Variants in SGCZ observed in about 807,000 individuals in gnomAD.
The protein encoded by SGCZ is zeta-sarcoglycan.
Under a neutral mutation model 41.3 loss-of-function variants are expected in SGCZ, and 40 were observed. That is an observed-to-expected ratio of 0.97 (90% CI 0.75 to 1.26). The LOEUF is 1.26. Among genes scored for constraint, SGCZ ranks in the 50% most tolerant of loss-of-function variants. The pLI is 0.00. For missense variants in SGCZ, 552 were observed against 369.8 expected (o/e 1.49, Z -4.04); for synonymous variants, 206 against 137.5 (o/e 1.50, Z -3.49).
chr8:14,584,817 T>C (rs952024607), intron 1 of SGCZ, among the ~76,000 whole-genome samples: 1 of 152,076 alleles, frequency 6.6e-6, no homozygotes, highest in African/African-American at 2.4e-5. Context: ...GCACATACAG[T>C]ATTCACTGTA....
chr8:14,181,076 T>TA (rs1408995811), intron 4 of SGCZ, among the ~76,000 whole-genome samples: 1 of 152,166 alleles, frequency 6.6e-6, no homozygotes, highest in Non-Finnish European at 1.5e-5. Context: ...GGAAGCCATG[T>TA]GTGATAGTCT....
intron 1 of SGCZ, among the ~76,000 whole-genome samples, chr8:15,163,356 G>C (rs1157582654): frequency 6.6e-6 from 1 of 152,194 alleles, no homozygotes; most frequent in African/African-American, 2.4e-5. Context: ...GGAGATCCAA[G>C]GTTCAGCCTT....
intron 1 of SGCZ, among the ~76,000 whole-genome samples, chr8:14,706,218 T>A (rs1293055305): frequency 6.6e-6 from 1 of 151,956 alleles, no homozygotes; most frequent in East Asian, 1.9e-4. Flanking sequence ...TAAAAAAAAT[T>A]AGATGAATCC....
At chr8:15,095,247 T>C (rs565547945) in intron 1 of SGCZ, among the ~76,000 whole-genome samples, 12 of 152,080 alleles carry the variant, frequency 7.9e-5, no homozygotes, top group Non-Finnish European at 1.8e-4. Flanking sequence ...TACAGTCATG[T>C]GCCATCACCC....
intron 1 of SGCZ, among the ~76,000 whole-genome samples, chr8:15,187,185 T>A (rs759003580): frequency 4.9e-4 from 74 of 152,166 alleles, no homozygotes; most frequent in Non-Finnish European, 5.7e-4. Flanking sequence ...AAGCCACTTA[T>A]GGTAATTGTA....
chr8:14,727,489 G>C (rs1286065606), intron 1 of SGCZ, among the ~76,000 whole-genome samples: 1 of 151,534 alleles, frequency 6.6e-6, no homozygotes, highest in Non-Finnish European at 1.5e-5. Flanking sequence ...TATTTCACAA[G>C]AGAAATGAAA....
At chr8:15,229,770 T>A (rs953971391) in intron 1 of SGCZ, among the ~76,000 whole-genome samples, 2 of 152,232 alleles carry the variant, frequency 1.3e-5, no homozygotes, top group Non-Finnish European at 2.9e-5. Context: ...ATTTATTGTA[T>A]CATGTTTCAC....
intron 1 of SGCZ, among the ~76,000 whole-genome samples, chr8:14,935,681 T>A (rs1157151013): frequency 6.6e-6 from 1 of 151,800 alleles, no homozygotes; most frequent in African/African-American, 2.4e-5. Context: ...TACAACAAAA[T>A]TATAATTACT....
At chr8:14,373,895 G>A (rs1454372607) in intron 2 of SGCZ, among the ~76,000 whole-genome samples, 1 of 152,058 alleles carries the variant, frequency 6.6e-6, no homozygotes, top group Non-Finnish European at 1.5e-5. Flanking sequence ...TCTAGTTGAT[G>A]GTTGATGGGT....
At chr8:14,380,708 T>G (rs913464597) in intron 2 of SGCZ, among the ~76,000 whole-genome samples, 1 of 152,032 alleles carries the variant, frequency 6.6e-6, no homozygotes, top group African/African-American at 2.4e-5. Flanking sequence ...AAAAATTAGC[T>G]GGGCATGGTG....
chr8:14,679,817 T>A (rs1016762037), intron 1 of SGCZ, among the ~76,000 whole-genome samples: 1 of 152,048 alleles, frequency 6.6e-6, no homozygotes, highest in East Asian at 1.9e-4. Flanking sequence ...GCAAGCTCCT[T>A]TCATGGTAAG....
chr8:14,473,289 A>C (rs1349698457), intron 2 of SGCZ, among the ~76,000 whole-genome samples: 1 of 152,136 alleles, frequency 6.6e-6, no homozygotes, highest in African/African-American at 2.4e-5. Flanking sequence ...TTCACATTTC[A>C]TTTTTATGTA....
chr8:14,168,811 G>C (rs1384496636), intron 4 of SGCZ, among the ~76,000 whole-genome samples: 3 of 152,136 alleles, frequency 2.0e-5, no homozygotes, highest in Non-Finnish European at 4.4e-5. Context: ...AAAAGGAATT[G>C]CCTACTTTTT....
intron 4 of SGCZ, among the ~76,000 whole-genome samples, chr8:14,190,073 C>T (rs375518806): frequency 3.1e-5 from 4 of 129,418 alleles, no homozygotes; most frequent in African/African-American, 9.0e-5. Context: ...AGTGCAGTGG[C>T]GCCATCTTGA....
At chr8:14,676,917 C>T (rs1375643694) in intron 1 of SGCZ, among the ~76,000 whole-genome samples, 2 of 152,092 alleles carry the variant, frequency 1.3e-5, no homozygotes, top group Non-Finnish European at 2.9e-5. Context: ...GTAAGGATGC[C>T]TCTTCTCGTC....
At chr8:14,895,206 T>C (rs984278340) in intron 1 of SGCZ, among the ~76,000 whole-genome samples, 7 of 152,204 alleles carry the variant, frequency 4.6e-5, no homozygotes, top group Non-Finnish European at 1.0e-4. Context: ...CAACTAGTTG[T>C]GTCATTTGGT....
rs1443321761 is a variant in SGCZ, at chr8:14,440,865, ACACACACG to A, written c.234+113859_234+113866del. Among the ~76,000 whole-genome samples, 29 of 151,900 alleles carry A rather than the reference ACACACACG, an allele frequency of 1.9e-4. 1 individual carries two copies. The highest frequency in any genetic ancestry group is 6.5e-4 in the African/African-American group (27 of 41,328). ...TGTACATATATGTACACACACACACACACACACGCACACACATACATGAGTAAGACTAG... is the reference window on the plus strand; with the variant it reads ...TGTACATATATGTACACACACACACACACACACATACATGAGTAAGACTAG... On this transcript the variant is annotated intron_variant, in intron 2 of 7. Transcript: ENST00000382080.
At chr8:14,601,261 C>G (rs1016454515) in intron 1 of SGCZ, among the ~76,000 whole-genome samples, 1 of 151,888 alleles carries the variant, frequency 6.6e-6, no homozygotes, top group African/African-American at 2.4e-5. Flanking sequence ...GGACAGGTAG[C>G]TTGTTTTTAT....
chr8:14,497,499 G>C (rs1457834238), intron 2 of SGCZ, among the ~76,000 whole-genome samples: 1 of 152,120 alleles, frequency 6.6e-6, no homozygotes, highest in East Asian at 1.9e-4. Flanking sequence ...GGCCCAACAA[G>C]AAGGTGGCCC....
Sources: allele counts gnomAD v4.1 joint callset (sites outside exome capture counted in the v4.1 genomes callset), GRCh38; gene constraint gnomAD v4.1.1; transcripts MANE v1.5; gene names NCBI Gene and HGNC (gene_info 2026-07-23, HGNC 2026-07-21).